Variants in CTNNA2 observed in about 807,000 individuals in gnomAD.
CTNNA2 encodes the protein catenin alpha-2.
In CTNNA2, 42 loss-of-function variants were observed where a neutral mutation model predicts 101.0. That is an observed-to-expected ratio of 0.42 (90% CI 0.32 to 0.54). CTNNA2 has a LOEUF of 0.54. Ranked by LOEUF, CTNNA2 falls within the 20% of genes least tolerant of loss-of-function variation. The pLI, the probability that CTNNA2 is intolerant of heterozygous loss-of-function variation, is 0.14. For synonymous variants in CTNNA2, 450 were observed against 456.4 expected (o/e 0.99, Z 0.18); for missense variants, 871 against 1,223.1 (o/e 0.71, Z 4.29).
intron 4 of CTNNA2, among the ~76,000 whole-genome samples, chr2:79,423,119 T>C (rs1678555712): frequency 6.6e-6 from 1 of 152,178 alleles, no homozygotes; most frequent in Non-Finnish European, 1.5e-5. Flanking sequence ...TAATAAGACT[T>C]ATAGCTTTCA....
chr2:79,794,044 AG>A (rs1675502105), intron 3 of CTNNA2, among the ~76,000 whole-genome samples: 1 of 152,104 alleles, frequency 6.6e-6, no homozygotes, highest in South Asian at 2.1e-4. Flanking sequence ...TGTACGATTC[AG>A]GGATGGGTGC....
At chr2:79,404,326 C>T (rs562616059) in intron 4 of CTNNA2, among the ~76,000 whole-genome samples, 3 of 151,828 alleles carry the variant, frequency 2.0e-5, no homozygotes, top group South Asian at 2.1e-4. Flanking sequence ...TTTTCTTGTC[C>T]CCTCCCTCCC....
At chr2:80,470,059 C>T (rs911939672) in intron 9 of CTNNA2, among the ~76,000 whole-genome samples, 6 of 152,142 alleles carry the variant, frequency 3.9e-5, no homozygotes, top group Non-Finnish European at 7.3e-5. Context: ...TTCCTTTACC[C>T]GTGCGGGGGA....
chr2:79,798,080 C>T (rs972859283), intron 3 of CTNNA2, among the ~76,000 whole-genome samples: 19 of 152,102 alleles, frequency 1.2e-4, no homozygotes, highest in African/African-American at 4.6e-4. Context: ...TCTCTGGGAA[C>T]TTGTTAGGGA....
At chr2:79,391,617 C>T (rs1678173322) in intron 4 of CTNNA2, among the ~76,000 whole-genome samples, 1 of 152,074 alleles carries the variant, frequency 6.6e-6, no homozygotes, top group African/African-American at 2.4e-5. Context: ...CATTTAATCA[C>T]CTCAAAAAAC....
chr2:79,399,963 C>T (rs999842015), intron 4 of CTNNA2, among the ~76,000 whole-genome samples: 4 of 152,068 alleles, frequency 2.6e-5, no homozygotes, highest in African/African-American at 9.7e-5. Context: ...TCCCCCATGA[C>T]ATAGCCTCAG....
intron 7 of CTNNA2, among the ~76,000 whole-genome samples, chr2:79,961,835 A>C (rs1046487858): frequency 1.3e-5 from 2 of 151,896 alleles, no homozygotes; most frequent in Non-Finnish European, 2.9e-5. Context: ...AAAAAAAAAA[A>C]AAAAAAAAGC....
chr2:80,010,777 A>G (rs1693722541), intron 7 of CTNNA2, among the ~76,000 whole-genome samples: 1 of 152,078 alleles, frequency 6.6e-6, no homozygotes, highest in Non-Finnish European at 1.5e-5. Context: ...AAAATTCTCC[A>G]CATTTCATTT....
At chr2:80,454,684 A>G (rs1364675815) in intron 9 of CTNNA2, among the ~76,000 whole-genome samples, 1 of 152,194 alleles carries the variant, frequency 6.6e-6, no homozygotes, top group Non-Finnish European at 1.5e-5. Context: ...GGTCTTGCTT[A>G]TTAGTTCTGC....
At chr2:80,592,490 C>T (rs1212570935) in intron 15 of CTNNA2, among the ~76,000 whole-genome samples, 1 of 152,174 alleles carries the variant, frequency 6.6e-6, no homozygotes, top group Non-Finnish European at 1.5e-5. Context: ...ACCTTACAAC[C>T]TATTCCAAAA....
intron 7 of CTNNA2, among the ~76,000 whole-genome samples, chr2:80,380,824 A>C (rs1242954439): frequency 6.6e-6 from 1 of 152,212 alleles, no homozygotes; most frequent in East Asian, 1.9e-4. Context: ...TACGCTACAG[A>C]GAGCAAAGTG....
chr2:79,566,442 A>G (rs1332483200), intron 1 of CTNNA2, among the ~76,000 whole-genome samples: 1 of 152,198 alleles, frequency 6.6e-6, no homozygotes, highest in African/African-American at 2.4e-5. Flanking sequence ...AGAAAAATGG[A>G]AATTTTTTTA....
intron 2 of CTNNA2, among the ~76,000 whole-genome samples, chr2:79,692,409 TAC>T (rs1176318554): frequency 1.3e-5 from 2 of 152,186 alleles, no homozygotes; most frequent in Non-Finnish European, 2.9e-5. Context: ...GGAATGCTTT[TAC>T]ACGGTTGGTA....
At chr2:80,578,142 C>T (rs1190845765) in intron 13 of CTNNA2, among the ~76,000 whole-genome samples, 2 of 152,150 alleles carry the variant, frequency 1.3e-5, no homozygotes, top group Non-Finnish European at 2.9e-5. Flanking sequence ...CTGTAATGGG[C>T]ACAAGTTAAT....
chr2:80,462,818 G>A (rs750970932), intron 9 of CTNNA2, among the ~76,000 whole-genome samples: 14 of 151,332 alleles, frequency 9.3e-5, no homozygotes, highest in Admixed American at 7.2e-4. Context: ...TTCTCTATTC[G>A]GTTTCTTTCT....
At chr2:79,245,144 T>C (rs1157489854) in intron 2 of CTNNA2, among the ~76,000 whole-genome samples, 2 of 151,472 alleles carry the variant, frequency 1.3e-5, no homozygotes, top group Non-Finnish European at 2.9e-5. Flanking sequence ...TACATAGGAT[T>C]TCTTTCCTTA....
At chr2:80,441,579 A>G (rs774686559) in intron 9 of CTNNA2, among the ~76,000 whole-genome samples, 4 of 152,190 alleles carry the variant, frequency 2.6e-5, no homozygotes, top group Non-Finnish European at 5.9e-5. Context: ...TTCTTATACC[A>G]CAGGCAACAC....
At chr2:80,574,662 G>A (rs1325948704) in intron 13 of CTNNA2, among the ~76,000 whole-genome samples, 2 of 152,128 alleles carry the variant, frequency 1.3e-5, no homozygotes. Flanking sequence ...GGAAAGAAAT[G>A]AAGATTACAC....
At chr2:80,174,981 ATTT>A (rs1705304320) in intron 7 of CTNNA2, among the ~76,000 whole-genome samples, 1 of 151,920 alleles carries the variant, frequency 6.6e-6, no homozygotes, top group South Asian at 2.1e-4. Flanking sequence ...ACTGCTTCAT[ATTT>A]TTCAATGTTT....
Sources: gnomAD v4.1 joint callset for allele counts (sites outside exome capture counted in the v4.1 genomes callset) on GRCh38, gnomAD v4.1.1 for gene constraint, MANE v1.5 for transcripts, NCBI Gene and HGNC (gene_info 2026-07-23, HGNC 2026-07-21) for gene names.